The following MEST variants were observed in gnomAD, a reference collection of about 807,000 sequenced individuals.
The protein encoded by MEST is mesoderm-specific transcript homolog protein.
A neutral mutation model predicts 50.9 loss-of-function variants in MEST; 18 were observed. That is an observed-to-expected ratio of 0.35 (90% CI 0.24 to 0.52). MEST has a LOEUF of 0.52. MEST is among the 20% of genes least tolerant of loss of function. The pLI, the probability that MEST is intolerant of heterozygous loss-of-function variation, is 0.94. For synonymous variants in MEST, 130 were observed against 154.1 expected (o/e 0.84, Z 1.16); for missense variants, 282 against 425.3 (o/e 0.66, Z 2.96).
At chr7:130,496,264 T>C in intron 2 of MEST, 2 of 432,144 alleles carry the variant, frequency 4.6e-6, no homozygotes, top group East Asian at 7.5e-5. Context: ...TTTACTGTTT[T>C]AGAAAACTAA....
rs781934793 is a variant in MEST, at chr7:130,497,541, A to G, written c.261+306A>G. 2.7e-5 allele frequency: 7 copies of G among 262,812 alleles called. No individual in the cohort carries two copies. Among genetic ancestry groups the G allele is most frequent in the Middle Eastern group, 1.2e-3 (1 of 824 alleles). The allele number at this position is 262,812 out of a possible 1,614,324, so 16.3% of individuals were successfully genotyped here. A position where few individuals can be genotyped will look rare whatever the true frequency, so the allele number is the denominator to read the frequency against. ...CACTGCACTTCAGCCTAGGTGACAG[A>G]GCGAGAGTCTGTCTCAAAAAAAAAT... On this transcript the variant is annotated intron_variant, in intron 3 of 11. Coordinates refer to ENST00000223215, the MANE Select transcript of MEST (RefSeq NM_002402.4). This position sits in a 1 kb window ranked among gnomAD's most constrained non-coding sequence, Gnocchi z 4.0.
chr7:130,500,074 T>A lies in MEST; in HGVS notation c.576+159T>A. ...GTTACTTTTTCCCTTCTTAGGCAACTAAAGCAGAGGCAGTGGCCCCTACGT... is the reference window on the plus strand; with the variant it reads ...GTTACTTTTTCCCTTCTTAGGCAACAAAAGCAGAGGCAGTGGCCCCTACGT... On this transcript the variant is annotated intron_variant, in intron 7 of 11. Transcript: ENST00000223215. This position sits in a 1 kb window ranked among gnomAD's most constrained non-coding sequence, Gnocchi z 5.0. 1 of 652,638 alleles carries A rather than the reference T, an allele frequency of 1.5e-6. No individual in the cohort carries two copies. The highest frequency in any genetic ancestry group is 2.6e-6 in the Non-Finnish European group (1 of 390,900). The allele number at this position is 652,638 out of a possible 1,614,324, so 40.4% of individuals were successfully genotyped here.
chr7:130,499,995 C>T, intron 7 of MEST, 80 bp downstream of exon 7: 2 of 1,123,040 alleles, frequency 1.8e-6, no homozygotes, highest in East Asian at 4.8e-5. Context: ...AGGGCCATAG[C>T]TCCTGTAACT....
chr7:130,488,530 C>T (rs1284939372), upstream of MEST: 1 of 152,248 alleles, frequency 6.6e-6, no homozygotes, highest in Non-Finnish European at 1.5e-5. Context: ...ACTTTGGAGC[C>T]AGGCACATCT....
chr7:130,504,069 GAGGGCTATTGGCTCT>G lies in MEST; in HGVS notation c.890+76_890+90del. ...ACAGTGGTAAACAGAATTGCCTGTT[GAGGGCTATTGGCTCT>G]AGCCATTGTCTTTAACCTCGCTGGC... On this transcript the variant is annotated intron_variant, in intron 11 of 11. Coordinates refer to ENST00000223215, the MANE Select transcript of MEST (RefSeq NM_002402.4). 3.3e-6 allele frequency: 4 copies of G among 1,225,360 alleles called. No individual in the cohort carries two copies. The East Asian group carries it at 9.3e-5, about 29-fold the overall frequency. The allele number at this position is 1,225,360 out of a possible 1,614,324, so 75.9% of individuals were successfully genotyped here.
At position 130,500,324 on chromosome 7, in the gene MEST, C is replaced by T; in HGVS notation, c.577-138C>T. 1 of 684,354 alleles carries T rather than the reference C, an allele frequency of 1.5e-6. No individual in the cohort carries two copies. Among genetic ancestry groups the T allele is most frequent in the East Asian group, 2.8e-5 (1 of 35,944 alleles). The allele number at this position is 684,354 out of a possible 1,614,324, so 42.4% of individuals were successfully genotyped here. Reference sequence around the variant, plus strand: ...TCCTTGAGAGAAGAATGCGGGTAGGCAAAACAAAATGCCAAGTACCAAACC... The same window carrying T: ...TCCTTGAGAGAAGAATGCGGGTAGGTAAAACAAAATGCCAAGTACCAAACC... On this transcript the variant is annotated intron_variant, in intron 7 of 11. Coordinates refer to ENST00000223215, the MANE Select transcript of MEST (RefSeq NM_002402.4). This position sits in a 1 kb window ranked among gnomAD's most constrained non-coding sequence, Gnocchi z 5.0.
chr7:130,501,027 T>C (rs1160521016), intron 9 of MEST, 137 bp downstream of exon 9: 5 of 612,936 alleles, frequency 8.2e-6, no homozygotes, highest in East Asian at 2.8e-5. Context: ...CAAAAAGTCA[T>C]GGTCTATATG....
At chr7:130,499,979 C>A (rs1436830778) in intron 7 of MEST, 64 bp downstream of exon 7, 2 of 1,333,594 alleles carry the variant, frequency 1.5e-6, no homozygotes, top group Non-Finnish European at 2.1e-6. Flanking sequence ...ATGCTGGGAC[C>A]TTTTAAGGGC....
In MEST at chr7:130,500,645, G is replaced by A. The variant is rs938671984; in HGVS notation, c.647+113G>A. The A allele has an allele frequency of 2.3e-5, 29 of 1,263,836 alleles. No homozygotes were observed. Among genetic ancestry groups the A allele is most frequent in the South Asian group, 8.4e-5 (6 of 71,708 alleles). 78.3% of individuals were successfully genotyped at this position (1,263,836 alleles called of 1,614,324 possible). A position where few individuals can be genotyped will look rare whatever the true frequency, so the allele number is the denominator to read the frequency against. On this transcript the variant is annotated intron_variant, in intron 8 of 11. Coordinates refer to ENST00000223215, the MANE Select transcript of MEST (RefSeq NM_002402.4). This position sits in a 1 kb window ranked among gnomAD's most constrained non-coding sequence, Gnocchi z 5.0. ...ATATTTTAAAGCAAAGGTGTTGGCC[G>A]CTTGCCAGGGAAGTAGAAGGAATTC...
At chr7:130,493,634 C>A (rs953270188) in intron 1 of MEST, among the ~76,000 whole-genome samples, 2 of 152,142 alleles carry the variant, frequency 1.3e-5, no homozygotes, top group East Asian at 3.9e-4. Flanking sequence ...TTTAACCCCC[C>A]ACTTTCCCTG....
At chr7:130,502,750 C>G in intron 10 of MEST, 30 bp downstream of exon 10, 1 of 1,535,902 alleles carries the variant, frequency 6.5e-7, no homozygotes, top group South Asian at 1.1e-5. Context: ...TGATAGGAAA[C>G]TGAAGGACTA....
rs1234862102 is a variant in MEST, at chr7:130,497,857, G to A, written c.262-79G>A. On this transcript the variant is annotated intron_variant, in intron 3 of 11. Transcript: ENST00000223215. The surrounding 1 kb of genome is among the most constrained non-coding windows in gnomAD (Gnocchi z 4.0). ...AAGTCTGTTAAGCCAAGATAGGGCTGAAGCTCCTGTGCAACTGTAGGTCTG... is the reference window on the plus strand; with the variant it reads ...AAGTCTGTTAAGCCAAGATAGGGCTAAAGCTCCTGTGCAACTGTAGGTCTG... 6.1e-6 allele frequency: 8 copies of A among 1,315,298 alleles called. No homozygotes were observed. Among genetic ancestry groups the A allele is most frequent in the Non-Finnish European group, 8.8e-6 (8 of 908,440 alleles). The allele number at this position is 1,315,298 out of a possible 1,614,324, so 81.5% of individuals were successfully genotyped here.
chr7:130,490,343 A>G (rs1554434827), upstream of MEST, among the ~76,000 whole-genome samples: 2 of 152,154 alleles, frequency 1.3e-5, no homozygotes, highest in Non-Finnish European at 2.9e-5. Context: ...TTTTCCCCAA[A>G]CACGCGGCCC....
At chr7:130,502,429 T>C (rs1799309918) in intron 9 of MEST, among the ~76,000 whole-genome samples, 4 of 152,206 alleles carry the variant, frequency 2.6e-5, no homozygotes, top group African/African-American at 9.7e-5. Context: ...CTAATTCTTA[T>C]ATTGATAGTA....
intron 10 of MEST, 62 bp downstream of exon 10, chr7:130,502,782 T>C: frequency 8.2e-7 from 1 of 1,215,924 alleles, no homozygotes; most frequent in Non-Finnish European, 1.2e-6. Flanking sequence ...TAATCGCAAC[T>C]CCTTTATACA....
At position 130,492,467 on chromosome 7, in the gene MEST, C is replaced by T. The variant is rs1266073226; in HGVS notation, c.26+128C>T. 5.0e-6 allele frequency: 4 copies of T among 804,716 alleles called. No homozygotes were observed. The highest frequency in any genetic ancestry group is 6.7e-6 in the Non-Finnish European group (4 of 596,514). 49.8% of individuals were successfully genotyped at this position (804,716 alleles called of 1,614,324 possible). On this transcript the variant is annotated intron_variant, in intron 1 of 11. Transcript: ENST00000223215. The surrounding 1 kb of genome is among the most constrained non-coding windows in gnomAD (Gnocchi z 7.6). ...GGGCGAAAACTCTACCGACAGGCGG[C>T]ACGCATTCCGCGCCCGCTCTGCCTA...
At chr7:130,496,063 A>T (rs782171919) in intron 2 of MEST, 5 of 469,328 alleles carry the variant, frequency 1.1e-5, no homozygotes, top group South Asian at 7.8e-5. Flanking sequence ...AGGTGCCATT[A>T]ACCTCATTTT....
At chr7:130,495,128 G>T (rs1312395674) in intron 1 of MEST, among the ~76,000 whole-genome samples, 12 of 152,146 alleles carry the variant, frequency 7.9e-5, no homozygotes, top group African/African-American at 2.7e-4. Flanking sequence ...AGAGGCAGAA[G>T]ATTATATGTT....
chr7:130,490,291 C>G (rs1554434797), upstream of MEST, among the ~76,000 whole-genome samples: 1 of 152,180 alleles, frequency 6.6e-6, no homozygotes, highest in African/African-American at 2.4e-5. Flanking sequence ...CGATGAAATT[C>G]TCTTGCTATC....
Sources: allele counts gnomAD v4.1 joint callset (sites outside exome capture counted in the v4.1 genomes callset), GRCh38; gene constraint gnomAD v4.1.1; non-coding constraint Gnocchi (gnomAD v3.1); transcripts MANE v1.5; gene names NCBI Gene and HGNC (gene_info 2026-07-23, HGNC 2026-07-21).